Variants in DGKI observed in about 807,000 individuals in gnomAD.
DGKI encodes the protein diacylglycerol kinase iota.
In DGKI, 55 loss-of-function variants were observed where a neutral mutation model predicts 147.5. The observed-to-expected ratio is 0.37, with a 90% CI of 0.30 to 0.47. The LOEUF is 0.47. Among genes scored for constraint, DGKI ranks in the 20% least tolerant of loss-of-function variants. The probability of loss-of-function intolerance (pLI) is 1.00; values close to 1 mark genes in which losing one functional copy is unlikely to be tolerated. For synonymous variants in DGKI, 469 were observed against 477.1 expected (o/e 0.98, Z 0.22); for missense variants, 1,007 against 1,323.8 (o/e 0.76, Z 3.71).
chr7:137,583,893 A>C (rs1488606978), intron 14 of DGKI, among the ~76,000 whole-genome samples: 1 of 152,212 alleles, frequency 6.6e-6, no homozygotes, highest in Non-Finnish European at 1.5e-5. Flanking sequence ...CTGAGCAATC[A>C]TGATATCTAC....
At chr7:137,836,696 G>A (rs114285867) in intron 1 of DGKI, among the ~76,000 whole-genome samples, 1,764 of 152,154 alleles carry the variant, frequency 0.012, 21 homozygotes, top group African/African-American at 0.034. Context: ...TTATTCCCCC[G>A]TCTTGTGCAA....
intron 30 of DGKI, among the ~76,000 whole-genome samples, chr7:137,401,081 T>A (rs1562995758): frequency 6.6e-6 from 1 of 152,190 alleles, no homozygotes; most frequent in African/African-American, 2.4e-5. Flanking sequence ...GAACCTGCAC[T>A]GCCCAATGGG....
intron 21 of DGKI, among the ~76,000 whole-genome samples, chr7:137,519,694 C>A (rs938895581): frequency 3.3e-5 from 5 of 152,026 alleles, no homozygotes; most frequent in Non-Finnish European, 7.4e-5. Context: ...TCCCATGAAT[C>A]TGTATTCTGT....
intron 20 of DGKI, among the ~76,000 whole-genome samples, chr7:137,531,720 C>T (rs1348605273): frequency 6.6e-6 from 1 of 152,108 alleles, no homozygotes; most frequent in African/African-American, 2.4e-5. Flanking sequence ...TTGTATTTTC[C>T]TGTTCTTATT....
intron 6 of DGKI, among the ~76,000 whole-genome samples, chr7:137,633,582 G>A (rs1397140305): frequency 1.3e-5 from 2 of 152,180 alleles, no homozygotes; most frequent in Admixed American, 6.5e-5. Flanking sequence ...CAGAGGTGGT[G>A]TACTCCAACA....
chr7:137,405,573 A>T (rs958503450), intron 30 of DGKI, among the ~76,000 whole-genome samples: 2 of 152,086 alleles, frequency 1.3e-5, no homozygotes, highest in African/African-American at 4.8e-5. Context: ...ATCTCCATGA[A>T]TTTTTCACAG....
chr7:137,813,753 C>T (rs543289531), intron 1 of DGKI, among the ~76,000 whole-genome samples: 8 of 152,238 alleles, frequency 5.3e-5, no homozygotes, highest in Admixed American at 2.6e-4. Flanking sequence ...GCATTTTTGG[C>T]AAGATTTTAA....
In DGKI at chr7:137,449,086, C is replaced by T. The variant is rs570750111; in HGVS notation, c.2736-4984G>A. ...TATTTTAAGCAACCTAGAGATTCTA[C>T]GTAATTCCTATAAAAATACCAAAGA... On this transcript the variant is annotated intron_variant, in intron 27 of 32. Coordinates refer to ENST00000614521, the MANE Select transcript of DGKI (RefSeq NM_001321708.2). Among the ~76,000 whole-genome samples, 2 of 152,242 alleles carry T rather than the reference C, an allele frequency of 1.3e-5. 1 individual carries two copies. Among genetic ancestry groups the T allele is most frequent in the African/African-American group, 4.8e-5 (2 of 41,548 alleles).
chr7:137,634,123 T>A (rs1358367697), intron 6 of DGKI, among the ~76,000 whole-genome samples: 2 of 152,218 alleles, frequency 1.3e-5, no homozygotes, highest in Non-Finnish European at 2.9e-5. Context: ...TTTCATAATT[T>A]AAACCACTAA....
chr7:137,737,217 A>G (rs1027420679), intron 1 of DGKI, among the ~76,000 whole-genome samples: 80 of 151,706 alleles, frequency 5.3e-4, no homozygotes, highest in African/African-American at 1.8e-3. Flanking sequence ...AAAAAAAAAA[A>G]AAAAAAAAAT....
intron 1 of DGKI, among the ~76,000 whole-genome samples, chr7:137,714,133 C>A (rs1794301424): frequency 6.6e-6 from 1 of 152,046 alleles, no homozygotes; most frequent in Non-Finnish European, 1.5e-5. Context: ...TTAATAGATT[C>A]TTTCTGATTT....
At chr7:137,797,916 A>G (rs1213727395) in intron 1 of DGKI, among the ~76,000 whole-genome samples, 2 of 152,094 alleles carry the variant, frequency 1.3e-5, no homozygotes, top group Non-Finnish European at 2.9e-5. Context: ...AATCAGCAAA[A>G]TCAAAAGTTG....
At position 137,407,986 on chromosome 7, in the gene DGKI, T is replaced by C. The variant is rs751567900; in HGVS notation, c.2809A>G (p.Ser937Gly). The change falls in exon 30 of 33, where the codon AGC becomes GGC. Residue 937 changes from serine (S) to glycine (G), a missense_variant. This residue lies in a region of DGKI where 385 missense variants were observed against 445.2 expected (regional missense o/e 0.86). Coordinates refer to ENST00000614521, the MANE Select transcript of DGKI (RefSeq NM_001321708.2). ...IAGDLMKLIESYKNGGSLLIQ... is the reference protein window; with the variant it reads ...IAGDLMKLIEGYKNGGSLLIQ... ...AGCAGACTGCCTCCATTTTTATAGC[T>C]TTCTATTAGCTGCAAAGAGAGACAT... is the stretch of plus-strand genomic sequence containing the variant. The C allele has an allele frequency of 1.3e-6, 2 of 1,544,146 alleles. No homozygotes were observed. The highest frequency in any genetic ancestry group is 1.7e-6 in the Non-Finnish European group (2 of 1,153,080).
At chr7:137,622,225 G>C (rs1373928621) in intron 7 of DGKI, among the ~76,000 whole-genome samples, 1 of 152,048 alleles carries the variant, frequency 6.6e-6, no homozygotes, top group African/African-American at 2.4e-5. Flanking sequence ...TGAACTATAT[G>C]GAACTGCCAA....
chr7:137,601,510 G>A (rs549610159), intron 10 of DGKI, among the ~76,000 whole-genome samples: 23 of 152,290 alleles, frequency 1.5e-4, no homozygotes, highest in Admixed American at 1.2e-3. Flanking sequence ...CCAGTATACT[G>A]GACATAGTAT....
intron 1 of DGKI, among the ~76,000 whole-genome samples, chr7:137,696,317 C>T (rs1823779792): frequency 1.3e-5 from 2 of 151,904 alleles, no homozygotes; most frequent in South Asian, 4.2e-4. Flanking sequence ...CAGAAAGCAC[C>T]GCACACTTTC....
intron 28 of DGKI, among the ~76,000 whole-genome samples, chr7:137,424,846 G>A (rs754215563): frequency 1.1e-4 from 16 of 152,328 alleles, no homozygotes; most frequent in South Asian, 1.0e-3. Context: ...AGGGGCACCC[G>A]CCATTGCCCA....
chr7:137,809,015 A>G (rs2116991820), intron 1 of DGKI, among the ~76,000 whole-genome samples: 1 of 152,358 alleles, frequency 6.6e-6, no homozygotes, highest in African/African-American at 2.4e-5. Flanking sequence ...AAAGCTTCCC[A>G]GAATCTCTTG....
chr7:137,393,663 T>G (rs1811446102), intron 32 of DGKI, among the ~76,000 whole-genome samples: 1 of 152,222 alleles, frequency 6.6e-6, no homozygotes, highest in Admixed American at 6.5e-5. Flanking sequence ...AACCTAATTA[T>G]CTGCCATTTG....
Sources: gnomAD v4.1 joint callset for allele counts (sites outside exome capture counted in the v4.1 genomes callset) on GRCh38, gnomAD v4.1.1 for gene constraint, gnomAD v4.1.1 regional missense constraint, MANE v1.5 for transcripts, NCBI Gene and HGNC (gene_info 2026-07-23, HGNC 2026-07-21) for gene names.